ATP2B4: variants seen among roughly 807,000 people sequenced by gnomAD.
ATP2B4 encodes plasma membrane calcium-transporting ATPase 4.
In ATP2B4, 39 loss-of-function variants were observed where a neutral mutation model predicts 110.3. The ratio of observed to expected loss-of-function variants is 0.35; its 90% CI spans 0.27 to 0.46. ATP2B4 has a LOEUF of 0.46. ATP2B4 is among the 20% of genes least tolerant of loss of function. ATP2B4 has a pLI of 1.00. For synonymous variants in ATP2B4, 538 were observed against 571.7 expected (o/e 0.94, Z 0.84); for missense variants, 1,135 against 1,530.9 (o/e 0.74, Z 4.32).
intron 1 of ATP2B4, among the ~76,000 whole-genome samples, chr1:203,675,983 C>G (rs1172791436): frequency 1.3e-5 from 2 of 152,066 alleles, no homozygotes; most frequent in Non-Finnish European, 2.9e-5. Flanking sequence ...GTACCCCACC[C>G]CCAGGAGGCT....
chr1:203,696,350 C>T (rs1310502965), intron 2 of ATP2B4, among the ~76,000 whole-genome samples: 4 of 152,170 alleles, frequency 2.6e-5, no homozygotes, highest in Non-Finnish European at 5.9e-5. Context: ...TAAAGAAGGC[C>T]TCTGGCATCC....
At chr1:203,657,013 T>G (rs991910364) in intron 1 of ATP2B4, 29 of 746,612 alleles carry the variant, frequency 3.9e-5, no homozygotes, top group Non-Finnish European at 6.8e-5. Context: ...TTCAGGACTG[T>G]TGGTAACCTG....
intron 1 of ATP2B4, among the ~76,000 whole-genome samples, chr1:203,667,018 C>T (rs1382388759): frequency 6.6e-6 from 1 of 152,220 alleles, no homozygotes; most frequent in Admixed American, 6.5e-5. Context: ...GTGGTGCCAT[C>T]TCCACTCACT....
chr1:203,737,060 G>C (rs1666895104), intron 20 of ATP2B4, among the ~76,000 whole-genome samples: 3 of 152,092 alleles, frequency 2.0e-5, no homozygotes, highest in Non-Finnish European at 4.4e-5. Context: ...CTCCCCAAAA[G>C]ACATTTCCCA....
chr1:203,685,644 A>G (rs6594007), intron 2 of ATP2B4, among the ~76,000 whole-genome samples: 126,634 of 152,098 alleles, frequency 0.83, 53,542 homozygotes, highest in East Asian at 1. Context: ...TGTTTTCTTT[A>G]CTTCTAGAAT....
intron 1 of ATP2B4, among the ~76,000 whole-genome samples, chr1:203,647,980 G>A (rs1209710598): frequency 6.6e-6 from 1 of 152,116 alleles, no homozygotes; most frequent in Admixed American, 6.5e-5. Flanking sequence ...GTGAGAAGAT[G>A]GGCAGGCCAA....
rs541710384 is a variant in ATP2B4 at position 203,712,204 on chromosome 1, G to T, written c.2211+65G>T. 9 of 1,545,864 alleles carry T rather than the reference G, an allele frequency of 5.8e-6. No individual in the cohort carries two copies. In the Admixed American group the frequency reaches 1.5e-4, roughly 25 times the overall value. ...AGGAAAAGGCGGGTTCTAGCATAAGGCATCTGGGTCATGTGCGGGAAGGTG... is the reference window on the plus strand; with the variant it reads ...AGGAAAAGGCGGGTTCTAGCATAAGTCATCTGGGTCATGTGCGGGAAGGTG... On this transcript the variant is annotated intron_variant, in intron 13 of 20. Coordinates refer to ENST00000357681, the MANE Select transcript of ATP2B4 (RefSeq NM_001684.5).
At chr1:203,683,587 T>C (rs1159248980) in intron 2 of ATP2B4, among the ~76,000 whole-genome samples, 189 bp downstream of exon 2, 5 of 152,058 alleles carry the variant, frequency 3.3e-5, no homozygotes, top group Non-Finnish European at 7.4e-5. Flanking sequence ...TTCCCAGAGA[T>C]GATGTTTAGA....
intron 1 of ATP2B4, among the ~76,000 whole-genome samples, chr1:203,669,025 G>C (rs908198841): frequency 1.3e-5 from 2 of 152,158 alleles, no homozygotes; most frequent in African/African-American, 2.4e-5. Flanking sequence ...TGGTAGCTTA[G>C]GGCTTTAGAA....
intron 1 of ATP2B4, among the ~76,000 whole-genome samples, chr1:203,649,990 C>T (rs1663927908): frequency 6.6e-6 from 1 of 152,198 alleles, no homozygotes; most frequent in African/African-American, 2.4e-5. Context: ...AGAACACTCA[C>T]TTGTAGACGC....
At position 203,703,855 on chromosome 1, in the gene ATP2B4, T is replaced by C. The variant is rs767669610; in HGVS notation, c.1099+42T>C. On this transcript the variant is annotated intron_variant, in intron 8 of 20. Coordinates refer to ENST00000357681, the MANE Select transcript of ATP2B4 (RefSeq NM_001684.5). ...CTCGTTGTGGTTTATCAATGTTGTC[T>C]TGGATCCTCATCACTTTTATCCCCT... 8 of 1,596,218 alleles carry C rather than the reference T, an allele frequency of 5.0e-6. No homozygotes were observed. The African/African-American group carries it at 1.1e-4, about 21-fold the overall frequency.
chr1:203,700,957 C>T, intron 6 of ATP2B4, 34 bp downstream of exon 6: 1 of 1,600,972 alleles, frequency 6.2e-7, no homozygotes, highest in Non-Finnish European at 8.5e-7. Flanking sequence ...TCTCTTTCCT[C>T]TCATCCCCAT....
chr1:203,640,039 TATA>T (rs1442911977), intron 1 of ATP2B4, among the ~76,000 whole-genome samples: 17 of 152,230 alleles, frequency 1.1e-4, no homozygotes, highest in Non-Finnish European at 1.6e-4. Context: ...TTAAAGTTTG[TATA>T]ATATCGCCTT....
At chr1:203,672,322 CTCTT>C (rs1664690675) in intron 1 of ATP2B4, among the ~76,000 whole-genome samples, 3 of 76,890 alleles carry the variant, frequency 3.9e-5, no homozygotes, top group African/African-American at 1.5e-4. Context: ...GTTGCGGTGG[CTCTT>C]TTTTTTTTTT....
At chr1:203,719,225 G>GGAAAAAAA (rs1666245546) in intron 15 of ATP2B4, among the ~76,000 whole-genome samples, 1 of 54,378 alleles carries the variant, frequency 1.8e-5, no homozygotes, top group African/African-American at 7.5e-5. Flanking sequence ...ACCCTGTCTC[G>GGAAAAAAA]AAAAAAAAAA....
At position 203,688,325 on chromosome 1, in the gene ATP2B4, G is replaced by T. The variant is rs1266125779; in HGVS notation, c.193+4927G>T. 2.7e-5 allele frequency among the ~76,000 whole-genome samples: 4 copies of T among 145,792 alleles called. No individual in the cohort carries two copies. The East Asian group carries it at 8.2e-4, about 30-fold the overall frequency. On this transcript the variant is annotated intron_variant, in intron 2 of 20. Coordinates refer to ENST00000357681, the MANE Select transcript of ATP2B4 (RefSeq NM_001684.5). ...TTTTCAATTTTATTTTTGAAACAGG[G>T]TCTTGCTCTGTCACCGAGGCTGGAG...
intron 1 of ATP2B4, among the ~76,000 whole-genome samples, chr1:203,678,478 A>T (rs1473221079): frequency 6.8e-6 from 1 of 147,722 alleles, no homozygotes; most frequent in African/African-American, 2.5e-5. Context: ...CTCACTGCAC[A>T]CTGCAGCTTC....
At chr1:203,687,942 A>G (rs928528190) in intron 2 of ATP2B4, among the ~76,000 whole-genome samples, 28 of 151,994 alleles carry the variant, frequency 1.8e-4, no homozygotes, top group African/African-American at 6.3e-4. Context: ...ACCTGGTGGT[A>G]AGAACTTAGG....
rs188319724 is a variant in ATP2B4, at chr1:203,665,917, A to G, written c.-464-16825A>G. Among the ~76,000 whole-genome samples, 582 of 152,242 alleles carry G rather than the reference A, an allele frequency of 3.8e-3. 4 individuals are homozygous for G. Among genetic ancestry groups the G allele is most frequent in the Middle Eastern group, 0.024 (7 of 294 alleles). On this transcript the variant is annotated intron_variant, in intron 1 of 20. Transcript: ENST00000357681. ...TTTAGACTTTTCCATCTACGTGGCT[A>G]TGATTATGGGATTCTTGTTTGATGT...
Sources: gnomAD v4.1 joint callset for allele counts (sites outside exome capture counted in the v4.1 genomes callset) on GRCh38, gnomAD v4.1.1 for gene constraint, MANE v1.5 for transcripts, NCBI Gene and HGNC (gene_info 2026-07-23, HGNC 2026-07-21) for gene names.